The following COPS7B variants were observed in gnomAD, a reference collection of about 807,000 sequenced individuals.
The protein encoded by COPS7B is COP9 signalosome subunit 7B, also known as COP9 signalosome complex subunit 7b.
Under a neutral mutation model 33.4 loss-of-function variants are expected in COPS7B, and 9 were observed. That is an observed-to-expected ratio of 0.27 (90% CI 0.16 to 0.47). The LOEUF (loss-of-function observed/expected upper bound fraction) is 0.47. Among genes scored for constraint, COPS7B ranks in the 20% least tolerant of loss-of-function variants. COPS7B has a pLI of 0.99. For missense variants in COPS7B, 242 were observed against 318.2 expected (o/e 0.76, Z 1.82); for synonymous variants, 119 against 126.3 (o/e 0.94, Z 0.39).
At chr2:231,791,584 G>A (rs2049417449) in intron 2 of COPS7B, 149 bp from the exon 3 acceptor site, 2 of 622,300 alleles carry the variant, frequency 3.2e-6, no homozygotes, top group African/African-American at 1.8e-5. Flanking sequence ...AAGAACCAGA[G>A]TTGGTAGAGA....
chr2:231,807,420 C>A, intron 6 of COPS7B, 67 bp from the exon 7 acceptor site: 1 of 1,445,632 alleles, frequency 6.9e-7, no homozygotes, highest in Non-Finnish European at 9.4e-7. Context: ...GAAGTGAAGA[C>A]ATAGTGAGAG....
chr2:231,785,107 G>A (rs533723263), upstream of COPS7B, among the ~76,000 whole-genome samples: 9 of 152,294 alleles, frequency 5.9e-5, no homozygotes, highest in African/African-American at 1.2e-4. Flanking sequence ...CACCGCGCCC[G>A]GCAACACAAT....
chr2:231,804,138 T>C (rs2049826187), intron 6 of COPS7B, among the ~76,000 whole-genome samples: 1 of 152,162 alleles, frequency 6.6e-6, no homozygotes, highest in Non-Finnish European at 1.5e-5. Context: ...AATATAACCA[T>C]TATTTGGGGA....
intron 6 of COPS7B, chr2:231,801,270 G>T: frequency 4.5e-6 from 7 of 1,543,150 alleles, no homozygotes; most frequent in Non-Finnish European, 5.3e-6. Flanking sequence ...GACTGCCGAA[G>T]AATATTCTCT....
chr2:231,796,367 A>C (rs1022062377), intron 5 of COPS7B, 59 bp downstream of exon 5: 1 of 1,520,874 alleles, frequency 6.6e-7, no homozygotes, highest in Non-Finnish European at 9.1e-7. Flanking sequence ...TCCTTGCAAA[A>C]ATGTGATTCC....
At chr2:231,796,341 A>C in intron 5 of COPS7B, 33 bp downstream of exon 5, 1 of 1,598,204 alleles carries the variant, frequency 6.3e-7, no homozygotes, top group Non-Finnish European at 8.6e-7. Context: ...GATATCTAGC[A>C]TGTCTTTTGT....
At chr2:231,802,050 C>T (rs1210201950) in intron 6 of COPS7B, among the ~76,000 whole-genome samples, 5 of 152,194 alleles carry the variant, frequency 3.3e-5, no homozygotes, top group African/African-American at 1.2e-4. Flanking sequence ...GCTGAGATTA[C>T]AGGCCTGAGC....
upstream of COPS7B, chr2:231,786,040 G>A (rs998133319): frequency 6.6e-6 from 1 of 152,128 alleles, no homozygotes; most frequent in Non-Finnish European, 1.5e-5. Context: ...AATTCAACGA[G>A]ATAATGCATG....
upstream of COPS7B, among the ~76,000 whole-genome samples, chr2:231,784,754 A>G (rs1010899349): frequency 2.0e-5 from 3 of 152,240 alleles, no homozygotes; most frequent in Admixed American, 6.5e-5. Flanking sequence ...TATAGATTCT[A>G]TAGTCTAAAT....
Position 231,788,665 on chromosome 2 carries a change from G to T in COPS7B, c.95G>T (p.Ser32Ile). Residue 32 changes from serine to isoleucine, a missense_variant, in exon 2 of 7, where the codon AGC becomes ATC. Physicochemically the swap from Ser to Ile is moderately radical, Grantham distance 142. Coordinates refer to ENST00000350033, the MANE Select transcript of COPS7B (RefSeq NM_022730.4). Reference sequence around the variant, plus strand: ...GGCTCAGCCCTCACTGCTCTCATAAGCCAGGTCTTAGAGGCTCCCGGAGTG... The same window carrying T: ...GGCTCAGCCCTCACTGCTCTCATAATCCAGGTCTTAGAGGCTCCCGGAGTG... Reference protein sequence around the residue: ...TSGSALTALISQVLEAPGVYV... With the variant: ...TSGSALTALIIQVLEAPGVYV... 6.2e-7 allele frequency: 1 copy of T among 1,614,210 alleles called. No individual in the cohort carries two copies. Among genetic ancestry groups the T allele is most frequent in the Non-Finnish European group, 8.5e-7 (1 of 1,180,032 alleles).
chr2:231,803,336 C>T (rs140552266), intron 6 of COPS7B, among the ~76,000 whole-genome samples: 2 of 151,990 alleles, frequency 1.3e-5, no homozygotes, highest in Non-Finnish European at 2.9e-5. Flanking sequence ...TGACTGCTTC[C>T]AAGTGTGGTG....
upstream of COPS7B, chr2:231,781,734 C>T (rs1430188853): frequency 8.9e-7 from 1 of 1,129,932 alleles, no homozygotes; most frequent in East Asian, 2.6e-5. Flanking sequence ...GCAGTGTGCG[C>T]AAATTCACAA....
intron 3 of COPS7B, among the ~76,000 whole-genome samples, chr2:231,793,325 A>T (rs1417821754): frequency 6.6e-6 from 1 of 152,210 alleles, no homozygotes; most frequent in African/African-American, 2.4e-5. Context: ...ACAGGTTAGA[A>T]ATTCCCACCA....
chr2:231,794,584 C>T (rs778299846), intron 4 of COPS7B, among the ~76,000 whole-genome samples: 14 of 152,124 alleles, frequency 9.2e-5, no homozygotes, highest in Non-Finnish European at 1.5e-4. Context: ...GCTGTGGTGC[C>T]GCATGTGGCA....
intron 4 of COPS7B, among the ~76,000 whole-genome samples, chr2:231,794,701 A>G (rs1388852512): frequency 1.3e-5 from 2 of 152,188 alleles, no homozygotes; most frequent in Admixed American, 6.5e-5. Context: ...CTCAGTACAC[A>G]GTGAACTATG....
chr2:231,782,417 A>T (rs912992151), upstream of COPS7B, among the ~76,000 whole-genome samples: 5 of 152,192 alleles, frequency 3.3e-5, no homozygotes, highest in African/African-American at 1.2e-4. Flanking sequence ...GTGACATTTA[A>T]TGTGATTTCA....
In COPS7B at chr2:231,807,525, C is replaced by A; in HGVS notation, c.675C>A (p.Ser225=). The stretch of plus-strand genomic sequence containing the variant: ...AGAAGACACTCAAAGCCACCGCATC[C>A]TCCTCGGCTCAGGAGATGGAGCAGC... The part of the protein sequence containing the change: ...NIKKTLKATA[S]SSAQEMEQQL... The change falls in exon 7 of 7, where the codon TCC becomes TCA. Residue 225 remains serine, a synonymous_variant. Coordinates refer to ENST00000350033, the MANE Select transcript of COPS7B (RefSeq NM_022730.4). The A allele has an allele frequency of 6.2e-7, 1 of 1,613,798 alleles. No individual in the cohort carries two copies. Among genetic ancestry groups the A allele is most frequent in the Non-Finnish European group, 8.5e-7 (1 of 1,179,896 alleles).
At chr2:231,787,341 A>G (rs1000660594) in intron 1 of COPS7B, among the ~76,000 whole-genome samples, 6 of 152,302 alleles carry the variant, frequency 3.9e-5, no homozygotes, top group Non-Finnish European at 8.8e-5. Flanking sequence ...TCTTGCACCA[A>G]ACTATTCTTC....
upstream of COPS7B, among the ~76,000 whole-genome samples, chr2:231,784,143 C>T (rs975402075): frequency 2.0e-5 from 3 of 151,120 alleles, no homozygotes; most frequent in African/African-American, 7.3e-5. Context: ...GGGTGGGGTG[C>T]GACAAAGCTG....
Sources: gnomAD v4.1 joint callset for allele counts (sites outside exome capture counted in the v4.1 genomes callset) on GRCh38, gnomAD v4.1.1 for gene constraint, MANE v1.5 for transcripts, NCBI Gene and HGNC (gene_info 2026-07-23, HGNC 2026-07-21) for gene names.